Variants in SUPT3H observed in about 807,000 individuals in gnomAD.
SUPT3H encodes the protein transcription initiation protein SPT3 homolog.
In SUPT3H, 44 loss-of-function variants were observed where a neutral mutation model predicts 44.3. That is an observed-to-expected ratio of 0.99 (90% confidence interval 0.78 to 1.28). SUPT3H has a LOEUF of 1.28. Among genes scored for constraint, SUPT3H ranks in the 50% most tolerant of loss-of-function variants. The pLI, the probability that SUPT3H is intolerant of heterozygous loss-of-function variation, is 0.00. For missense variants in SUPT3H, 380 were observed against 387.1 expected, an observed-to-expected ratio of 0.98 and a Z score of 0.15; for synonymous variants, 124 against 125.6, an observed-to-expected ratio of 0.99 and a Z score of 0.09.
At chr6:45,340,992 C>G (rs1789660790) in intron 2 of SUPT3H, among the ~76,000 whole-genome samples, 1 of 152,136 alleles carries the variant, frequency 6.6e-6, no homozygotes, top group Admixed American at 6.5e-5. Flanking sequence ...TAAGCTTTAA[C>G]TTCTAATTAT....
chr6:45,062,679 C>T (rs76362561), intron 3 of SUPT3H, among the ~76,000 whole-genome samples: 1 of 152,156 alleles, frequency 6.6e-6, no homozygotes, highest in South Asian at 2.1e-4. Flanking sequence ...GTTCCCTTTC[C>T]GAGTCAAAGA....
At chr6:45,030,724 A>G (rs1786785109) in intron 3 of SUPT3H, among the ~76,000 whole-genome samples, 1 of 152,208 alleles carries the variant, frequency 6.6e-6, no homozygotes, top group Non-Finnish European at 1.5e-5. Flanking sequence ...GGGAGTAAGG[A>G]AAGTTGATAT....
intron 10 of SUPT3H, among the ~76,000 whole-genome samples, chr6:44,859,481 T>C (rs995242130): frequency 5.3e-5 from 8 of 152,304 alleles, no homozygotes; most frequent in South Asian, 4.1e-4. Context: ...AAGAGTGTTA[T>C]ATCCTGGCAA....
intron 10 of SUPT3H, among the ~76,000 whole-genome samples, chr6:44,890,463 C>T (rs1253793043): frequency 6.6e-6 from 1 of 151,848 alleles, no homozygotes; most frequent in African/African-American, 2.4e-5. Flanking sequence ...TTTGTAGGGA[C>T]ATGGATGAAA....
chr6:45,276,535 A>C (rs576425791), intron 2 of SUPT3H, among the ~76,000 whole-genome samples: 24 of 152,172 alleles, frequency 1.6e-4, no homozygotes, highest in African/African-American at 5.3e-4. Flanking sequence ...AATTTTTGCA[A>C]TTCTTTTCAT....
intron 2 of SUPT3H, among the ~76,000 whole-genome samples, chr6:45,362,641 C>T (rs1794461168): frequency 6.6e-6 from 1 of 152,238 alleles, no homozygotes; most frequent in South Asian, 2.1e-4. Flanking sequence ...AAAAAAATAA[C>T]TTCAGACTAT....
chr6:44,995,215 G>A (rs1259799073), intron 6 of SUPT3H, among the ~76,000 whole-genome samples: 2 of 151,892 alleles, frequency 1.3e-5, no homozygotes, highest in Non-Finnish European at 2.9e-5. Context: ...TTTATTTATT[G>A]AGAGCATCTA....
At chr6:45,217,613 C>T (rs1218140890) in intron 2 of SUPT3H, among the ~76,000 whole-genome samples, 1 of 151,848 alleles carries the variant, frequency 6.6e-6, no homozygotes, top group Non-Finnish European at 1.5e-5. Context: ...TTAATCTGGC[C>T]GAATGTGGTG....
In SUPT3H at chr6:44,895,876, T is replaced by C. The variant is rs566136782; in HGVS notation, c.912+36777A>G. 6.6e-5 allele frequency among the ~76,000 whole-genome samples: 10 copies of C among 151,818 alleles called. No individual in the cohort carries two copies. The South Asian group carries it at 2.1e-3, about 32-fold the overall frequency. On this transcript the variant is annotated intron_variant, in intron 10 of 10. Transcript: ENST00000371459. ...TAAGTAAGAAACGTGTAGACATAACTAAAGTAGGGTAAAAAAAGTGAAGCG... is the reference window on the plus strand; with the variant it reads ...TAAGTAAGAAACGTGTAGACATAACCAAAGTAGGGTAAAAAAAGTGAAGCG...
chr6:44,841,818 A>G (rs1004640979), intron 10 of SUPT3H, among the ~76,000 whole-genome samples: 4 of 152,132 alleles, frequency 2.6e-5, no homozygotes, highest in African/African-American at 9.7e-5. Flanking sequence ...TCATTCACTC[A>G]TTTACAAGTA....
chr6:45,318,820 GAAAT>G (rs1169383501), intron 2 of SUPT3H, among the ~76,000 whole-genome samples: 2 of 151,988 alleles, frequency 1.3e-5, no homozygotes, highest in Non-Finnish European at 1.5e-5. Context: ...AAGAGATAGT[GAAAT>G]AAATAAAGTA....
rs151176514 is a variant in SUPT3H at position 45,157,538 on chromosome 6, A to AAT, written c.102-51534_102-51533dup. Reference sequence around the variant, plus strand: ...ATGATGCCTATGTTTTATATATATAAATATATATATACATATGTATTTCTT... The same window carrying AAT: ...ATGATGCCTATGTTTTATATATATAAATATATATATATACATATGTATTTCTT... On this transcript the variant is annotated intron_variant, in intron 2 of 10. Coordinates refer to ENST00000371459, the MANE Select transcript of SUPT3H (RefSeq NM_003599.4). Among the ~76,000 whole-genome samples the AAT allele has an allele frequency of 3.1e-3, 467 of 150,976 alleles. 5 individuals carry two copies. The highest frequency in any genetic ancestry group is 0.011 in the African/African-American group (446 of 41,182).
chr6:45,024,728 G>A (rs1258759090), intron 3 of SUPT3H, among the ~76,000 whole-genome samples: 1 of 152,194 alleles, frequency 6.6e-6, no homozygotes, highest in African/African-American at 2.4e-5. Context: ...CTATGAGGGT[G>A]TTTCTGGATG....
At chr6:45,266,718 T>A (rs1169702379) in intron 2 of SUPT3H, among the ~76,000 whole-genome samples, 1 of 152,002 alleles carries the variant, frequency 6.6e-6, no homozygotes, top group Non-Finnish European at 1.5e-5. Context: ...CTATATTCAG[T>A]CATATATAAA....
intron 2 of SUPT3H, among the ~76,000 whole-genome samples, chr6:45,336,253 T>C (rs551724488): frequency 6.6e-6 from 1 of 151,580 alleles, no homozygotes; most frequent in South Asian, 2.1e-4. Context: ...ATAAGGACAA[T>C]GAGTACTGTC....
At chr6:45,189,263 A>T (rs936966671) in intron 2 of SUPT3H, among the ~76,000 whole-genome samples, 1 of 152,260 alleles carries the variant, frequency 6.6e-6, no homozygotes, top group African/African-American at 2.4e-5. Flanking sequence ...TTAGTGTATC[A>T]CTTAGTGTTA....
rs145544429 is a variant in SUPT3H, at chr6:45,187,598, A to G, written c.102-81592T>C. On this transcript the variant is annotated intron_variant, in intron 2 of 10. Coordinates refer to ENST00000371459, the MANE Select transcript of SUPT3H (RefSeq NM_003599.4). ...ATGTGAGGACCTAAGAGAGAGGAAA[A>G]GACACTTTTCTTCCCAAACACATCA... is the stretch of plus-strand genomic sequence containing the variant. 2.1e-3 allele frequency among the ~76,000 whole-genome samples: 324 copies of G among 152,330 alleles called. 1 individual carries two copies. Among genetic ancestry groups the G allele is most frequent in the African/African-American group, 7.5e-3 (310 of 41,586 alleles).
intron 2 of SUPT3H, among the ~76,000 whole-genome samples, chr6:45,287,312 G>C (rs1048327155): frequency 3.9e-5 from 6 of 152,032 alleles, no homozygotes; most frequent in Admixed American, 1.3e-4. Flanking sequence ...TCGGTACTCT[G>C]ATGTTCATAA....
At chr6:45,212,518 TGTGTGTGTGTGTGTGTGTGTGTGTGTGTG>T (rs1419874781) in intron 2 of SUPT3H, among the ~76,000 whole-genome samples, 1 of 23,586 alleles carries the variant, frequency 4.2e-5, no homozygotes, top group Admixed American at 3.3e-4. Context: ...TGTGTGTGTG[TGTGTGTGTGTGTGTGTGTGTGTGTGTGTG>T]TATTGACTCT....
Sources: gnomAD v4.1 joint callset for allele counts (sites outside exome capture counted in the v4.1 genomes callset) on GRCh38, gnomAD v4.1.1 for gene constraint, MANE v1.5 for transcripts, NCBI Gene and HGNC (gene_info 2026-07-23, HGNC 2026-07-21) for gene names.